Variants in TEX26 observed in about 807,000 individuals in gnomAD.
TEX26 encodes the protein testis-expressed protein 26.
TEX26 carries 34 observed loss-of-function variants against 35.3 expected under a neutral mutation model. The observed-to-expected ratio is 0.96, with a 90% confidence interval of 0.73 to 1.28. TEX26 has a LOEUF of 1.28. TEX26 is among the 50% of genes most tolerant of loss of function. The probability of loss-of-function intolerance (pLI) is 0.00; values close to 1 mark genes in which losing one functional copy is unlikely to be tolerated. For missense variants in TEX26, 371 were observed against 330.1 expected, an observed-to-expected ratio of 1.12 and a Z score of -0.96; for synonymous variants, 136 against 111.8, an observed-to-expected ratio of 1.22 and a Z score of -1.36.
intron 4 of TEX26, among the ~76,000 whole-genome samples, chr13:30,962,525 C>T (rs995381455): frequency 6.6e-5 from 10 of 152,226 alleles, no homozygotes; most frequent in African/African-American, 2.4e-4. Flanking sequence ...TTTGATCCTC[C>T]ACCTTTGGGT....
At chr13:30,961,716 G>C (rs1954350850) in intron 4 of TEX26, among the ~76,000 whole-genome samples, 1 of 152,096 alleles carries the variant, frequency 6.6e-6, no homozygotes, top group African/African-American at 2.4e-5. Context: ...CTCCTTTCAA[G>C]GTCTGCAATG....
intron 4 of TEX26, among the ~76,000 whole-genome samples, chr13:30,964,040 AAC>A (rs1213240522): frequency 6.6e-6 from 1 of 152,148 alleles, no homozygotes; most frequent in Non-Finnish European, 1.5e-5. Flanking sequence ...AAGTTTCACA[AAC>A]ACACTATGCA....
At chr13:30,966,709 GGTTACAGGCTGGA>G (rs1038615436) in intron 5 of TEX26, among the ~76,000 whole-genome samples, 2 of 152,202 alleles carry the variant, frequency 1.3e-5, no homozygotes, top group African/African-American at 4.8e-5. Context: ...AAAGTGCTAG[GGTTACAGGCTGGA>G]GTTACAGGCA....
Position 30,936,777 on chromosome 13 carries a change from G to A in TEX26, c.62-2917G>A, listed in dbSNP as rs534050217. ...TGAGAGAAGAAAGAATTAGGAAGACGTAATCACAGGAAAGATGGATATGAG... is the reference window on the plus strand; with the variant it reads ...TGAGAGAAGAAAGAATTAGGAAGACATAATCACAGGAAAGATGGATATGAG... On this transcript the variant is annotated intron_variant, in intron 1 of 6. Coordinates refer to ENST00000380473, the MANE Select transcript of TEX26 (RefSeq NM_152325.3). 2.8e-5 allele frequency: 28 copies of A among 985,410 alleles called. 1 individual carries two copies. In the Middle Eastern group the frequency reaches 1.6e-3, roughly 55 times the overall value. 61.0% of individuals were successfully genotyped at this position (985,410 alleles called of 1,614,324 possible).
chr13:30,961,493 T>G (rs149235622), intron 4 of TEX26, among the ~76,000 whole-genome samples: 13 of 152,372 alleles, frequency 8.5e-5, no homozygotes, highest in African/African-American at 2.6e-4. Context: ...TTCAGCTTCC[T>G]CTACTTTGCT....
chr13:30,956,938 G>C lies in TEX26; in HGVS notation c.378G>C (p.Trp126Cys). 1 of 1,614,176 alleles carries C rather than the reference G, an allele frequency of 6.2e-7. No individual in the cohort carries two copies. Among genetic ancestry groups the C allele is most frequent in the African/African-American group, 1.3e-5 (1 of 75,052 alleles). The change falls in exon 4 of 7, where the codon TGG becomes TGC. Residue 126 changes from tryptophan (W) to cysteine (C), a missense_variant. Coordinates refer to ENST00000380473, the MANE Select transcript of TEX26 (RefSeq NM_152325.3). Reference protein sequence around the residue: ...QTGTLKNCLPWKIPASMKEVN... With the variant: ...QTGTLKNCLPCKIPASMKEVN... Reference sequence around the variant, plus strand: ...GGACACTAAAGAACTGCCTCCCTTGGAAAATCCCGGCTTCAATGAAAGAAG... The same window carrying C: ...GGACACTAAAGAACTGCCTCCCTTGCAAAATCCCGGCTTCAATGAAAGAAG...
At chr13:30,952,888 T>A (rs1381839114) in intron 3 of TEX26, 63 bp downstream of exon 3, 4 of 1,410,512 alleles carry the variant, frequency 2.8e-6, no homozygotes, top group Non-Finnish European at 3.9e-6. Context: ...CTCATAAGAA[T>A]GAGAGTTTAA....
At chr13:30,946,056 C>CT (rs1405731996) in intron 2 of TEX26, among the ~76,000 whole-genome samples, 2 of 151,898 alleles carry the variant, frequency 1.3e-5, no homozygotes, top group Non-Finnish European at 2.9e-5. Context: ...TTTTTCCAAA[C>CT]TTTTTACTTA....
chr13:30,964,867 C>T (rs1025555829), intron 4 of TEX26, among the ~76,000 whole-genome samples: 2 of 152,206 alleles, frequency 1.3e-5, no homozygotes, highest in Admixed American at 6.5e-5. Flanking sequence ...CCCACAATAA[C>T]AGCATTAATC....
chr13:30,965,622 G>A (rs888583372), intron 4 of TEX26, among the ~76,000 whole-genome samples: 1 of 152,156 alleles, frequency 6.6e-6, no homozygotes, highest in African/African-American at 2.4e-5. Flanking sequence ...GTGCTTCATA[G>A]ATATTGAATG....
At chr13:30,945,207 G>A (rs975015030) in intron 2 of TEX26, among the ~76,000 whole-genome samples, 1 of 151,446 alleles carries the variant, frequency 6.6e-6, no homozygotes, top group Non-Finnish European at 1.5e-5. Context: ...GACTTTCTTT[G>A]TCTTTTTTTT....
chr13:30,970,176 T>A (rs1178409095), intron 6 of TEX26, among the ~76,000 whole-genome samples: 15 of 18,380 alleles, frequency 8.2e-4, no homozygotes, highest in Non-Finnish European at 1.2e-3. Flanking sequence ...TGAGTGTGTG[T>A]GTGTGTGTGT....
At chr13:30,933,526 CTG>C (rs1953152805) in intron 1 of TEX26, 1 of 152,336 alleles carries the variant, frequency 6.6e-6, no homozygotes, top group South Asian at 2.1e-4. Context: ...AGTTGGGTAA[CTG>C]TGATTCCACA....
At chr13:30,969,692 G>A (rs976316816) in intron 6 of TEX26, among the ~76,000 whole-genome samples, 2 of 152,082 alleles carry the variant, frequency 1.3e-5, no homozygotes, top group African/African-American at 2.4e-5. Flanking sequence ...AGCATCCTAC[G>A]TGAGGGATCA....
In TEX26 at chr13:30,966,186, G is replaced by A. The variant is rs1313398883; in HGVS notation, c.470-36G>A. On this transcript the variant is annotated intron_variant, in intron 4 of 6. Coordinates refer to ENST00000380473, the MANE Select transcript of TEX26 (RefSeq NM_152325.3). ...TGGGTTTAGCTACTTTGTTCACAAGGAGTAAGTATTGCCTTCCATTTCCAT... is the reference window on the plus strand; with the variant it reads ...TGGGTTTAGCTACTTTGTTCACAAGAAGTAAGTATTGCCTTCCATTTCCAT... 1.9e-6 allele frequency: 3 copies of A among 1,612,150 alleles called. No homozygotes were observed. In the South Asian group the frequency reaches 3.3e-5, roughly 18 times the overall value.
chr13:30,950,422 A>G (rs767264971), intron 2 of TEX26, among the ~76,000 whole-genome samples: 1 of 152,120 alleles, frequency 6.6e-6, no homozygotes, highest in Non-Finnish European at 1.5e-5. Flanking sequence ...TAAAGTAGTC[A>G]GCATGACCAA....
At chr13:30,961,970 C>A (rs1809092486) in intron 4 of TEX26, among the ~76,000 whole-genome samples, 1 of 152,158 alleles carries the variant, frequency 6.6e-6, no homozygotes, top group Non-Finnish European at 1.5e-5. Flanking sequence ...TATCTCTTCC[C>A]AAACCTCTCC....
chr13:30,932,913 C>A (rs1024327489), intron 1 of TEX26, 137 bp downstream of exon 1: 2 of 925,306 alleles, frequency 2.2e-6, no homozygotes, highest in Non-Finnish European at 3.2e-6. Flanking sequence ...GAGGAAAAGA[C>A]GGGGAGTCAG....
At chr13:30,962,435 A>C (rs1356031117) in intron 4 of TEX26, among the ~76,000 whole-genome samples, 1 of 152,292 alleles carries the variant, frequency 6.6e-6, no homozygotes, top group African/African-American at 2.4e-5. Context: ...CCTGTGGAGC[A>C]GGTCTCCCTT....
Sources: gnomAD v4.1 joint callset for allele counts (sites outside exome capture counted in the v4.1 genomes callset) on GRCh38, gnomAD v4.1.1 for gene constraint, MANE v1.5 for transcripts, NCBI Gene and HGNC (gene_info 2026-07-23, HGNC 2026-07-21) for gene names.